The following TRPC7 variants were observed in gnomAD, a reference collection of about 807,000 sequenced individuals.
The protein encoded by TRPC7 is transient receptor potential cation channel subfamily C member 7.
TRPC7 carries 42 observed loss-of-function variants against 90.1 expected under a neutral mutation model. That is an observed-to-expected ratio of 0.47 (90% confidence interval 0.36 to 0.60). The LOEUF is 0.60. Among genes scored for constraint, TRPC7 ranks in the 20% least tolerant of loss-of-function variants. TRPC7 has a pLI of 0.00. For synonymous variants in TRPC7, 451 were observed against 436.3 expected, an observed-to-expected ratio of 1.03 and a Z score of -0.42; for missense variants, 955 against 1,112.3, an observed-to-expected ratio of 0.86 and a Z score of 2.01.
At chr5:136,262,557 T>C (rs983238180) in intron 5 of TRPC7, among the ~76,000 whole-genome samples, 2 of 152,164 alleles carry the variant, frequency 1.3e-5, no homozygotes, top group African/African-American at 4.8e-5. Flanking sequence ...TGAAAGAAAT[T>C]TGGTTATTGG....
intron 2 of TRPC7, among the ~76,000 whole-genome samples, chr5:136,316,861 C>T (rs1028956145): frequency 1.3e-5 from 2 of 152,188 alleles, no homozygotes; most frequent in Non-Finnish European, 2.9e-5. Context: ...GTCAACAACC[C>T]TCAGACTGCT....
intron 2 of TRPC7, among the ~76,000 whole-genome samples, chr5:136,320,831 CT>C (rs1759174749): frequency 6.6e-6 from 1 of 152,178 alleles, no homozygotes; most frequent in South Asian, 2.1e-4. Context: ...CTCTGACTAT[CT>C]TTTTAAAAAA....
intron 3 of TRPC7, among the ~76,000 whole-genome samples, chr5:136,280,399 T>C (rs574216593): frequency 1.3e-5 from 2 of 152,336 alleles, no homozygotes; most frequent in South Asian, 2.1e-4. Context: ...TCTCCAAGAA[T>C]GTGCAGCCTT....
intron 3 of TRPC7, among the ~76,000 whole-genome samples, chr5:136,307,243 C>G (rs571464849): frequency 6.6e-6 from 1 of 152,144 alleles, no homozygotes; most frequent in African/African-American, 2.4e-5. Flanking sequence ...TCTATTCCTT[C>G]TGTCTCTCTG....
Position 136,265,862 on chromosome 5 carries a change from T to C in TRPC7, c.1345+358A>G, listed in dbSNP as rs1441258198. Among the ~76,000 whole-genome samples, 20 of 152,318 alleles carry C rather than the reference T, an allele frequency of 1.3e-4. No individual in the cohort carries two copies. In the East Asian group the frequency reaches 3.3e-3, roughly 25 times the overall value. On this transcript the variant is annotated intron_variant, in intron 5 of 11. Coordinates refer to ENST00000513104, the MANE Select transcript of TRPC7 (RefSeq NM_020389.3). Reference sequence around the variant, plus strand: ...TTCAAGCTATGAAATTTTGTGCCCTTTTTTAGAATCTGAACTTGTTTTCTT... The same window carrying C: ...TTCAAGCTATGAAATTTTGTGCCCTCTTTTAGAATCTGAACTTGTTTTCTT...
chr5:136,282,111 T>A (rs989166845), intron 3 of TRPC7, among the ~76,000 whole-genome samples: 1 of 152,204 alleles, frequency 6.6e-6, no homozygotes, highest in Non-Finnish European at 1.5e-5. Flanking sequence ...GGATTCTGTA[T>A]CTATAATTAA....
At chr5:136,315,880 C>A (rs1197956244) in intron 2 of TRPC7, 101 bp from the exon 3 acceptor site, 6 of 1,151,720 alleles carry the variant, frequency 5.2e-6, no homozygotes, top group Non-Finnish European at 7.5e-6. Context: ...CCACATGTGA[C>A]CTTATGGAGC....
chr5:136,329,996 C>T (rs973731723), intron 2 of TRPC7, among the ~76,000 whole-genome samples: 1 of 152,172 alleles, frequency 6.6e-6, no homozygotes, highest in African/African-American at 2.4e-5. Flanking sequence ...TACCCACACA[C>T]CACCTTATCA....
intron 3 of TRPC7, among the ~76,000 whole-genome samples, chr5:136,279,683 G>A (rs1184345569): frequency 6.6e-6 from 1 of 152,182 alleles, no homozygotes; most frequent in Non-Finnish European, 1.5e-5. Context: ...CCCCACTGGA[G>A]GCTATGCCCT....
intron 11 of TRPC7, chr5:136,214,283 A>G (rs572925483): frequency 1.3e-5 from 2 of 152,544 alleles, no homozygotes; most frequent in South Asian, 4.1e-4. Context: ...TGTGGTTAGA[A>G]GTCCAATGGG....
intron 2 of TRPC7, among the ~76,000 whole-genome samples, chr5:136,317,818 C>T (rs1309641730): frequency 2.6e-5 from 4 of 152,186 alleles, no homozygotes; most frequent in Non-Finnish European, 4.4e-5. Flanking sequence ...TGATCCAGCT[C>T]TTGTCCCAGG....
At chr5:136,329,261 G>A (rs954162422) in intron 2 of TRPC7, among the ~76,000 whole-genome samples, 14 of 152,112 alleles carry the variant, frequency 9.2e-5, no homozygotes, top group South Asian at 4.1e-4. Context: ...TATTTTATTA[G>A]CAACTCAGGT....
intron 5 of TRPC7, among the ~76,000 whole-genome samples, chr5:136,265,259 C>A (rs569117283): frequency 9.2e-5 from 14 of 152,180 alleles, no homozygotes; most frequent in African/African-American, 3.4e-4. Context: ...AAGGTGAATA[C>A]CATTAAGCCA....
intron 2 of TRPC7, among the ~76,000 whole-genome samples, chr5:136,351,999 T>C (rs965790162): frequency 3.3e-5 from 5 of 152,190 alleles, no homozygotes; most frequent in Non-Finnish European, 7.3e-5. Flanking sequence ...ATAAATTGCC[T>C]GTGACTGAAA....
At chr5:136,335,128 T>G (rs1759611983) in intron 2 of TRPC7, among the ~76,000 whole-genome samples, 1 of 152,210 alleles carries the variant, frequency 6.6e-6, no homozygotes, top group Non-Finnish European at 1.5e-5. Context: ...ATGAAGAGAC[T>G]GAGGCTTGAC....
rs1757026467 is a variant in TRPC7 at position 136,266,291 on chromosome 5, G to A, written c.1274C>T (p.Pro425Leu). 6.2e-7 allele frequency: 1 copy of A among 1,613,756 alleles called. No individual in the cohort carries two copies. Among genetic ancestry groups the A allele is most frequent in the Non-Finnish European group, 8.5e-7 (1 of 1,179,838 alleles). The change falls in exon 5 of 12, where the codon CCA becomes CTA. Residue 425 changes from proline to leucine, a missense_variant. Physicochemically the swap from Pro to Leu is moderately conservative, Grantham distance 98. Coordinates refer to ENST00000513104, the MANE Select transcript of TRPC7 (RefSeq NM_020389.3). Reference sequence around the variant, plus strand: ...GGTTTTCACTCTGAAGATTTGTTTTGGGTAGTCTGTGAAGGTTTCGTTTGG... The same window carrying A: ...GGTTTTCACTCTGAAGATTTGTTTTAGGTAGTCTGTGAAGGTTTCGTTTGG... ...TLPNETFTDY[P>L]KQIFRVKTTQ...
chr5:136,276,399 C>T (rs1480402457), intron 3 of TRPC7, among the ~76,000 whole-genome samples: 2 of 152,174 alleles, frequency 1.3e-5, no homozygotes, highest in East Asian at 3.9e-4. Flanking sequence ...TCATTTGCCT[C>T]ACTGAGTATT....
chr5:136,225,379 C>T (rs1755592279), intron 9 of TRPC7, 25 bp from the exon 10 acceptor site: 1 of 1,604,958 alleles, frequency 6.2e-7, no homozygotes, highest in Non-Finnish European at 8.5e-7. Context: ...CAAACCCACA[C>T]ACATCACACA....
intron 3 of TRPC7, among the ~76,000 whole-genome samples, chr5:136,306,758 G>A (rs538012575): frequency 6.6e-6 from 1 of 151,694 alleles, no homozygotes; most frequent in Non-Finnish European, 1.5e-5. Context: ...CCCTTAAGAG[G>A]GTGCTTTGTA....
Sources: gnomAD v4.1 joint callset for allele counts (sites outside exome capture counted in the v4.1 genomes callset) on GRCh38, gnomAD v4.1.1 for gene constraint, MANE v1.5 for transcripts, NCBI Gene and HGNC (gene_info 2026-07-23, HGNC 2026-07-21) for gene names.